BNC2: variants seen among roughly 807,000 people sequenced by gnomAD.
BNC2 encodes the protein zinc finger protein basonuclin-2.
In BNC2, 20 loss-of-function variants were observed where a neutral mutation model predicts 76.3. The ratio of observed to expected loss-of-function variants is 0.26; its 90% CI spans 0.18 to 0.38. The LOEUF is 0.38. Ranked by LOEUF, BNC2 falls within the 10% of genes least tolerant of loss-of-function variation. The pLI, the probability that BNC2 is intolerant of heterozygous loss-of-function variation, is 1.00. For synonymous variants in BNC2, 582 were observed against 514.8 expected (o/e 1.13, Z -1.77); for missense variants, 1,382 against 1,399.8 (o/e 0.99, Z 0.20).
At chr9:16,498,015 GTGTA>G (rs1249210669) in intron 5 of BNC2, among the ~76,000 whole-genome samples, 1 of 140,526 alleles carries the variant, frequency 7.1e-6, no homozygotes, top group Non-Finnish European at 1.5e-5. Flanking sequence ...GTGTGTGTGT[GTGTA>G]TGTATTCCAC....
At chr9:16,821,375 C>T (rs1169843986) in intron 1 of BNC2, among the ~76,000 whole-genome samples, 1 of 152,080 alleles carries the variant, frequency 6.6e-6, no homozygotes, top group Non-Finnish European at 1.5e-5. Context: ...GGCAGGATGA[C>T]TACAGTTATT....
At chr9:16,698,527 C>G (rs989496946) in intron 3 of BNC2, among the ~76,000 whole-genome samples, 1 of 152,094 alleles carries the variant, frequency 6.6e-6, no homozygotes, top group African/African-American at 2.4e-5. Flanking sequence ...CCCATCTCTA[C>G]TAAAAGTACA....
intron 5 of BNC2, among the ~76,000 whole-genome samples, chr9:16,437,871 T>C (rs977492796): frequency 2.6e-5 from 4 of 152,218 alleles, no homozygotes; most frequent in African/African-American, 7.2e-5. Context: ...TAGTATAAGA[T>C]GTGAACTCTT....
intron 3 of BNC2, among the ~76,000 whole-genome samples, chr9:16,591,173 T>A (rs1819920285): frequency 6.6e-6 from 1 of 152,174 alleles, no homozygotes; most frequent in Non-Finnish European, 1.5e-5. Context: ...ACTGGCCACA[T>A]CACAATACAG....
chr9:16,825,972 G>C (rs760691894), intron 1 of BNC2, among the ~76,000 whole-genome samples: 2 of 151,962 alleles, frequency 1.3e-5, no homozygotes, highest in Non-Finnish European at 2.9e-5. Flanking sequence ...GTTTTTCAAA[G>C]TTCAGGGCAG....
In BNC2 at chr9:16,504,934, T is replaced by G. The variant is rs568851171; in HGVS notation, c.669+47596A>C. Among the ~76,000 whole-genome samples, 3 of 152,298 alleles carry G rather than the reference T, an allele frequency of 2.0e-5. No homozygotes were observed. In the East Asian group the frequency reaches 5.8e-4, roughly 29 times the overall value. ...AAGCTCAAATTCTAGGTAACATTATTTTAAACAGTGTCATCTTTGGAATTT... is the reference window on the plus strand; with the variant it reads ...AAGCTCAAATTCTAGGTAACATTATGTTAAACAGTGTCATCTTTGGAATTT... On this transcript the variant is annotated intron_variant, in intron 5 of 6. Transcript: ENST00000380672.
At chr9:16,494,339 G>A (rs2131670770) in intron 5 of BNC2, among the ~76,000 whole-genome samples, 1 of 152,118 alleles carries the variant, frequency 6.6e-6, no homozygotes, top group East Asian at 1.9e-4. Flanking sequence ...TTTTAGTAGA[G>A]ATGGGGTTTC....
intron 1 of BNC2, among the ~76,000 whole-genome samples, chr9:16,803,770 T>A (rs1459552279): frequency 6.6e-6 from 1 of 152,168 alleles, no homozygotes; most frequent in Non-Finnish European, 1.5e-5. Context: ...AGCACAGAAT[T>A]TTCTCCAGTT....
chr9:16,707,204 CG>C (rs369193777), intron 3 of BNC2, among the ~76,000 whole-genome samples: 327 of 147,216 alleles, frequency 2.2e-3, no homozygotes, highest in East Asian at 4.8e-3. Context: ...TCCGCCCCCC[CG>C]CCAAAAAAAA....
At chr9:16,439,307 T>C (rs865832593) in intron 5 of BNC2, among the ~76,000 whole-genome samples, 15 of 152,230 alleles carry the variant, frequency 9.9e-5, no homozygotes, top group Middle Eastern at 6.8e-3. Flanking sequence ...CAAACCAAAA[T>C]TGAGGGGCAT....
intron 3 of BNC2, among the ~76,000 whole-genome samples, chr9:16,629,055 A>T (rs1821083711): frequency 6.6e-6 from 1 of 152,190 alleles, no homozygotes; most frequent in Admixed American, 6.5e-5. Flanking sequence ...CCAAAGTCTC[A>T]ATCAGAAAAA....
intron 3 of BNC2, among the ~76,000 whole-genome samples, chr9:16,715,316 T>C (rs1210406456): frequency 6.6e-6 from 1 of 152,226 alleles, no homozygotes; most frequent in African/African-American, 2.4e-5. Flanking sequence ...AGAAAAGCTA[T>C]ACATCAAAAC....
intron 3 of BNC2, among the ~76,000 whole-genome samples, chr9:16,622,552 A>G (rs952328710): frequency 6.6e-6 from 1 of 152,212 alleles, no homozygotes; most frequent in Non-Finnish European, 1.5e-5. Context: ...CCAAAGCCTC[A>G]GAGAAGGTTT....
intron 3 of BNC2, among the ~76,000 whole-genome samples, chr9:16,679,259 T>TA (rs1419196958): frequency 9.2e-5 from 14 of 152,166 alleles, no homozygotes; most frequent in Non-Finnish European, 2.1e-4. Flanking sequence ...CACTGGTCCT[T>TA]ACTATACTCC....
chr9:16,776,644 C>A (rs1455461905), intron 1 of BNC2, among the ~76,000 whole-genome samples: 2 of 152,162 alleles, frequency 1.3e-5, no homozygotes, highest in Non-Finnish European at 2.9e-5. Flanking sequence ...ATAATACAAA[C>A]CACTCCACTA....
intron 5 of BNC2, among the ~76,000 whole-genome samples, chr9:16,552,232 T>C (rs1198004765): frequency 2.6e-5 from 4 of 152,138 alleles, no homozygotes; most frequent in African/African-American, 9.7e-5. Flanking sequence ...AATAGGGTTA[T>C]AATAAGACTT....
intron 1 of BNC2, among the ~76,000 whole-genome samples, chr9:16,785,977 T>C (rs1826282520): frequency 6.6e-6 from 1 of 151,964 alleles, no homozygotes. Flanking sequence ...CTGAGGAAGC[T>C]GAAAGGAAGG....
chr9:16,465,122 T>G (rs867819811), intron 5 of BNC2, among the ~76,000 whole-genome samples: 1 of 152,178 alleles, frequency 6.6e-6, no homozygotes. Flanking sequence ...CTCTGGTATA[T>G]TTACAGGAGT....
In BNC2 at chr9:16,412,545, C is replaced by T. The variant is rs902998490; in HGVS notation, c.*6444G>A. 10 of 152,540 alleles carry T rather than the reference C, an allele frequency of 6.6e-5. No homozygotes were observed. The highest frequency in any genetic ancestry group is 6.5e-4 in the Admixed American group (10 of 15,268). 9.4% of individuals were successfully genotyped at this position (152,540 alleles called of 1,614,324 possible). The stretch of plus-strand genomic sequence containing the variant: ...AAGTTTTCAAAGAAGCAAAGGATGC[C>T]GTCACAGACAGCATCTCTCTACTGA... On this transcript the variant is annotated 3_prime_UTR_variant, in exon 7 of 7. Coordinates refer to ENST00000380672, the MANE Select transcript of BNC2 (RefSeq NM_017637.6).
Sources: gnomAD v4.1 joint callset for allele counts (sites outside exome capture counted in the v4.1 genomes callset) on GRCh38, gnomAD v4.1.1 for gene constraint, MANE v1.5 for transcripts, NCBI Gene and HGNC (gene_info 2026-07-23, HGNC 2026-07-21) for gene names.